LMBRD1: variants seen among roughly 807,000 people sequenced by gnomAD.
LMBRD1 encodes lysosomal cobalamin transport escort protein LMBD1.
Under a neutral mutation model 74.8 loss-of-function variants are expected in LMBRD1, and 64 were observed. The observed-to-expected ratio is 0.86, with a 90% CI of 0.70 to 1.05. The LOEUF (loss-of-function observed/expected upper bound fraction) is 1.05, where lower values mean the gene tolerates loss of function less well. Ranked by LOEUF, LMBRD1 falls within the 50% of genes least tolerant of loss-of-function variation. The pLI is 0.00. For missense variants in LMBRD1, 652 were observed against 645.9 expected, an observed-to-expected ratio of 1.01 and a Z score of -0.10; for synonymous variants, 204 against 216.3, an observed-to-expected ratio of 0.94 and a Z score of 0.50.
At chr6:69,765,059 T>C (rs1765451263) in intron 3 of LMBRD1, among the ~76,000 whole-genome samples, 1 of 151,772 alleles carries the variant, frequency 6.6e-6, no homozygotes, top group South Asian at 2.1e-4. Context: ...CCTCCCCACA[T>C]AGCTGAGATT....
At chr6:69,752,179 T>A (rs975391788) in intron 4 of LMBRD1, 80 bp downstream of exon 4, 85 of 1,425,928 alleles carry the variant, frequency 6.0e-5, no homozygotes, top group Admixed American at 3.8e-4. Context: ...CTAGAAAAAA[T>A]TCAGTCATTC....
chr6:69,736,214 C>CT (rs1253218134), intron 7 of LMBRD1, among the ~76,000 whole-genome samples: 12 of 151,586 alleles, frequency 7.9e-5, no homozygotes, highest in Non-Finnish European at 1.5e-4. Context: ...CGACCCACCA[C>CT]TTTTTTTTTC....
intron 14 of LMBRD1, among the ~76,000 whole-genome samples, chr6:69,696,729 C>T (rs1397312450): frequency 6.6e-6 from 1 of 152,108 alleles, no homozygotes; most frequent in Non-Finnish European, 1.5e-5. Context: ...GCGTCTTCCT[C>T]TGGCCTATCC....
Position 69,780,555 on chromosome 6 carries a change from C to G in LMBRD1, c.247-1G>C, listed in dbSNP as rs776122484. ...TGCTGACATTAGCATTAGCCCAGTC[C>G]TAGGATAAAAGGAAACAATAGAAAT... On this transcript the variant is annotated splice_acceptor_variant, in intron 2 of 15. Transcript: ENST00000649934. LOFTEE classifies it high-confidence loss of function. 6.2e-7 allele frequency: 1 copy of G among 1,604,092 alleles called. No individual in the cohort carries two copies. Among genetic ancestry groups the G allele is most frequent in the South Asian group, 1.1e-5 (1 of 90,868 alleles).
intron 2 of LMBRD1, among the ~76,000 whole-genome samples, chr6:69,787,291 T>C (rs1765972963): frequency 6.6e-6 from 1 of 152,048 alleles, no homozygotes; most frequent in Non-Finnish European, 1.5e-5. Flanking sequence ...CAGTTTCAAA[T>C]AAAAACTCAT....
chr6:69,687,024 C>G (rs1765778007), intron 14 of LMBRD1, among the ~76,000 whole-genome samples: 1 of 152,192 alleles, frequency 6.6e-6, no homozygotes, highest in Non-Finnish European at 1.5e-5. Context: ...ACACAGTAGT[C>G]AGAGTGATCC....
At chr6:69,753,938 C>CAA (rs201669814) in intron 3 of LMBRD1, among the ~76,000 whole-genome samples, 2,223 of 106,170 alleles carry the variant, frequency 0.021, 45 homozygotes, top group African/African-American at 0.069. Context: ...GACTCCGTCT[C>CAA]AAAAAAAAAA....
At chr6:69,680,090 T>C (rs1562080625) in intron 14 of LMBRD1, among the ~76,000 whole-genome samples, 2 of 152,104 alleles carry the variant, frequency 1.3e-5, no homozygotes, top group Non-Finnish European at 2.9e-5. Flanking sequence ...AAATTCAAAT[T>C]TGTATAATCA....
At chr6:69,728,345 T>C (rs542842758) in intron 7 of LMBRD1, among the ~76,000 whole-genome samples, 1 of 152,296 alleles carries the variant, frequency 6.6e-6, no homozygotes, top group African/African-American at 2.4e-5. Flanking sequence ...AACATGAGAT[T>C]TGGGTAGAGA....
chr6:69,726,732 AG>A (rs1252339568), intron 7 of LMBRD1, among the ~76,000 whole-genome samples: 2 of 151,732 alleles, frequency 1.3e-5, no homozygotes, highest in African/African-American at 4.8e-5. Flanking sequence ...GAGGCTGGGA[AG>A]GGTAGTGAGG....
chr6:69,700,605 TA>T (rs1766105528), intron 12 of LMBRD1, among the ~76,000 whole-genome samples, 159 bp downstream of exon 12: 2 of 151,818 alleles, frequency 1.3e-5, no homozygotes, highest in African/African-American at 4.8e-5. Flanking sequence ...CTGCTCTAGA[TA>T]AAAAGTACTT....
intron 14 of LMBRD1, among the ~76,000 whole-genome samples, chr6:69,678,129 C>A (rs1049711277): frequency 6.6e-6 from 1 of 151,956 alleles, no homozygotes; most frequent in Non-Finnish European, 1.5e-5. Context: ...ACTGATAACA[C>A]GAACTATAGA....
chr6:69,685,705 G>A (rs1448864662), intron 14 of LMBRD1, among the ~76,000 whole-genome samples: 1 of 152,184 alleles, frequency 6.6e-6, no homozygotes, highest in African/African-American at 2.4e-5. Context: ...GGAGGCTGAG[G>A]CAGGAGAATT....
intron 7 of LMBRD1, among the ~76,000 whole-genome samples, chr6:69,734,413 G>C (rs1256137090): frequency 2.5e-5 from 3 of 121,152 alleles, no homozygotes; most frequent in Admixed American, 8.5e-5. Context: ...TTTTTTTTTT[G>C]AGACGGAGTC....
chr6:69,749,372 C>A lies in LMBRD1; in HGVS notation c.442G>T (p.Val148Phe). ...AAAAGAAGCAGTGCACAAATCACAA[C>A]AAATCCCAAAGTATACTTGAGTGCC... ...KTALKYTLGF[V>F]VICALLLLVG... Residue 148 changes from valine to phenylalanine, a missense_variant, in exon 5 of 16, where the codon GTT becomes TTT. Physicochemically the swap from Val to Phe is conservative, Grantham distance 50 (BLOSUM62 -1). This residue lies in a region of LMBRD1 where 598 missense variants were observed against 581.8 expected (regional missense o/e 1.03). Coordinates refer to ENST00000649934, the MANE Select transcript of LMBRD1 (RefSeq NM_018368.4). The A allele has an allele frequency of 6.2e-7, 1 of 1,608,598 alleles. No homozygotes were observed. Among genetic ancestry groups the A allele is most frequent in the Non-Finnish European group, 8.5e-7 (1 of 1,178,448 alleles).
At chr6:69,681,727 T>C (rs1388048921) in intron 14 of LMBRD1, among the ~76,000 whole-genome samples, 2 of 151,958 alleles carry the variant, frequency 1.3e-5, no homozygotes, top group Non-Finnish European at 1.5e-5. Flanking sequence ...AAGCCTAGAC[T>C]ATTTAGAAGC....
chr6:69,736,147 C>T (rs369245145), intron 7 of LMBRD1, among the ~76,000 whole-genome samples: 11 of 152,278 alleles, frequency 7.2e-5, no homozygotes, highest in Admixed American at 3.3e-4. Flanking sequence ...CACATCTCCA[C>T]GCATCTTTCA....
chr6:69,741,717 A>T lies in LMBRD1; in HGVS notation c.562+72T>A. On this transcript the variant is annotated intron_variant, in intron 6 of 15. Coordinates refer to ENST00000649934, the MANE Select transcript of LMBRD1 (RefSeq NM_018368.4). The stretch of plus-strand genomic sequence containing the variant: ...GTTAAATTCTTAACAAAATACAAAT[A>T]AACTGCTTCTCAAAAGTCCAAAGTA... The T allele has an allele frequency of 3.2e-6, 3 of 931,212 alleles. No homozygotes were observed. In the East Asian group the frequency reaches 7.4e-5, roughly 23 times the overall value. 57.7% of individuals were successfully genotyped at this position (931,212 alleles called of 1,614,324 possible).
At chr6:69,694,717 T>C (rs1765956747) in intron 14 of LMBRD1, among the ~76,000 whole-genome samples, 1 of 152,184 alleles carries the variant, frequency 6.6e-6, no homozygotes, top group Non-Finnish European at 1.5e-5. Flanking sequence ...CTCCTTCAGT[T>C]CTTCAATCCA....
Sources: gnomAD v4.1 joint callset for allele counts (sites outside exome capture counted in the v4.1 genomes callset) on GRCh38, gnomAD v4.1.1 for gene constraint, gnomAD v4.1.1 regional missense constraint, MANE v1.5 for transcripts, NCBI Gene and HGNC (gene_info 2026-07-23, HGNC 2026-07-21) for gene names.